LARP4B: variants seen among roughly 807,000 people sequenced by gnomAD.
LARP4B encodes the protein La ribonucleoprotein 4B.
Under a neutral mutation model 89.8 loss-of-function variants are expected in LARP4B, and 12 were observed. The observed-to-expected ratio is 0.13, with a 90% CI of 0.09 to 0.22. The LOEUF is 0.22. LARP4B is among the 10% of genes least tolerant of loss of function. The pLI is 1.00. For missense variants in LARP4B, 757 were observed against 947.7 expected (o/e 0.80, Z 2.64); for synonymous variants, 367 against 363.3 (o/e 1.01, Z -0.12).
chr10:978,291 G>C, the LARP4B span, among the ~76,000 whole-genome samples: 1 of 152,158 alleles, frequency 6.6e-6, no homozygotes, highest in East Asian at 1.9e-4. Context: ...TTGTACTCAT[G>C]TACAGAGAAA....
intron 7 of LARP4B, among the ~76,000 whole-genome samples, chr10:838,288 T>G (rs910158997): frequency 6.6e-6 from 1 of 152,192 alleles, no homozygotes; most frequent in Non-Finnish European, 1.5e-5. Flanking sequence ...TCATTAAGAT[T>G]TAAAACTTCT....
chr10:919,711 G>C (rs1007944292), intron 1 of LARP4B, among the ~76,000 whole-genome samples: 1 of 152,216 alleles, frequency 6.6e-6, no homozygotes, highest in Non-Finnish European at 1.5e-5. Flanking sequence ...CTACACAAAG[G>C]TGACGGGTAT....
chr10:817,584 G>A, intron 15 of LARP4B, 141 bp downstream of exon 15: 1 of 783,160 alleles, frequency 1.3e-6, no homozygotes, highest in Non-Finnish European at 2.1e-6. Context: ...CCAAATCTGT[G>A]TGACCTCTGC....
At position 812,856 on chromosome 10, in the gene LARP4B, G is replaced by A. The variant is rs1201052302; in HGVS notation, c.*70C>T. 9.3e-6 allele frequency: 13 copies of A among 1,403,756 alleles called. No homozygotes were observed. The highest frequency in any genetic ancestry group is 8.8e-5 in the African/African-American group (6 of 68,350). The allele number at this position is 1,403,756 out of a possible 1,614,324, so 87.0% of individuals were successfully genotyped here. A position where few individuals can be genotyped will look rare whatever the true frequency, so the allele number is the denominator to read the frequency against. ...AGCTCCTAACCAGCGGCTCGCCCTC[G>A]CACTGAGTGGGAGAGTGTCTCGTTT... On this transcript the variant is annotated 3_prime_UTR_variant, in exon 18 of 18. Transcript: ENST00000316157.
chr10:892,520 T>C (rs1836061545), intron 1 of LARP4B, among the ~76,000 whole-genome samples: 1 of 152,076 alleles, frequency 6.6e-6, no homozygotes, highest in Non-Finnish European at 1.5e-5. Context: ...GGTGACATAA[T>C]GATTTAGAGA....
chr10:972,869 TTC>T, the LARP4B span: 5 of 456,820 alleles, frequency 1.1e-5, no homozygotes, highest in Non-Finnish European at 2.2e-5. Context: ...ATGCTGGCAG[TTC>T]TGTCTGTTGT....
At chr10:961,550 C>T in the LARP4B span, among the ~76,000 whole-genome samples, 13 of 148,498 alleles carry the variant, frequency 8.8e-5, no homozygotes, top group Non-Finnish European at 1.6e-4. Context: ...CCACTCATGG[C>T]GGCGTGGTGC....
chr10:906,720 A>C (rs985188658), intron 1 of LARP4B, among the ~76,000 whole-genome samples: 1 of 152,198 alleles, frequency 6.6e-6, no homozygotes, highest in Non-Finnish European at 1.5e-5. Flanking sequence ...TCAATTCCCT[A>C]CTTCTCATTT....
At chr10:916,959 A>C (rs776780671) in intron 1 of LARP4B, among the ~76,000 whole-genome samples, 1 of 152,056 alleles carries the variant, frequency 6.6e-6, no homozygotes, top group Non-Finnish European at 1.5e-5. Context: ...TGGCCTCCTA[A>C]AGTGCTGAGA....
At chr10:845,578 AT>A (rs1392696566) in intron 5 of LARP4B, among the ~76,000 whole-genome samples, 1 of 152,224 alleles carries the variant, frequency 6.6e-6, no homozygotes, top group African/African-American at 2.4e-5. Flanking sequence ...ATGTTACAGA[AT>A]TCCTGTAAGA....
chr10:973,912 G>GT, the LARP4B span, among the ~76,000 whole-genome samples: 40 of 152,284 alleles, frequency 2.6e-4, no homozygotes, highest in East Asian at 3.9e-3. Flanking sequence ...GTGTGACAGA[G>GT]TATTTCCAGT....
chr10:864,241 G>A lies in LARP4B; in HGVS notation c.171C>T (p.Asn57=). The stretch of plus-strand genomic sequence containing the variant: ...GAGCCCCCCACACTTCTGCATTAGG[G>A]TTCAGCTCTGAAACCTTAGTTGCTG... ...QVPATKVSEL[N]PNAEVWGAPV... is the part of the protein sequence containing the mutation. Residue 57 remains asparagine, a synonymous_variant, in exon 4 of 18, where the codon AAC becomes AAT. Transcript: ENST00000316157. 2 of 1,614,124 alleles carry A rather than the reference G, an allele frequency of 1.2e-6. No homozygotes were observed. Among genetic ancestry groups the A allele is most frequent in the Non-Finnish European group, 1.7e-6 (2 of 1,179,988 alleles).
chr10:932,224 C>T (rs1332015725), upstream of LARP4B, among the ~76,000 whole-genome samples: 5 of 147,346 alleles, frequency 3.4e-5, no homozygotes, highest in African/African-American at 5.0e-5. Flanking sequence ...GGCCCCGACC[C>T]TGGCCACCCA....
At chr10:957,525 T>C in the LARP4B span, among the ~76,000 whole-genome samples, 1 of 152,318 alleles carries the variant, frequency 6.6e-6, no homozygotes, top group Non-Finnish European at 1.5e-5. Context: ...TAGATACTTA[T>C]ATGAATTGCT....
intron 1 of LARP4B, among the ~76,000 whole-genome samples, chr10:905,724 A>AG (rs1564439683): frequency 6.6e-6 from 1 of 151,772 alleles, no homozygotes; most frequent in African/African-American, 2.4e-5. Context: ...GCAGGGAAGG[A>AG]GGGCAGAATC....
At chr10:857,644 T>G (rs1378052289) in intron 5 of LARP4B, among the ~76,000 whole-genome samples, 9 of 151,868 alleles carry the variant, frequency 5.9e-5, no homozygotes, top group African/African-American at 2.2e-4. Context: ...CGCTCGGGAG[T>G]TTGTCTTAAT....
chr10:886,336 CAG>C (rs1285167228), intron 1 of LARP4B, among the ~76,000 whole-genome samples: 1 of 152,170 alleles, frequency 6.6e-6, no homozygotes, highest in African/African-American at 2.4e-5. Flanking sequence ...GTGGAAGAAA[CAG>C]AACCTTTGCA....
At chr10:836,670 G>A (rs1833237051) in intron 7 of LARP4B, among the ~76,000 whole-genome samples, 164 bp from the exon 8 acceptor site, 1 of 152,200 alleles carries the variant, frequency 6.6e-6, no homozygotes, top group South Asian at 2.1e-4. Flanking sequence ...TCAGGAATAT[G>A]GACATTTAAA....
At chr10:919,364 C>T (rs766093963) in intron 1 of LARP4B, among the ~76,000 whole-genome samples, 26 of 152,060 alleles carry the variant, frequency 1.7e-4, no homozygotes, top group African/African-American at 5.3e-4. Context: ...TCTCCTGCCA[C>T]GCAAAAGGCT....
Sources: gnomAD v4.1 joint callset for allele counts (sites outside exome capture counted in the v4.1 genomes callset) on GRCh38, gnomAD v4.1.1 for gene constraint, MANE v1.5 for transcripts, NCBI Gene and HGNC (gene_info 2026-07-23, HGNC 2026-07-21) for gene names.